Variants in IL17RB observed in about 807,000 individuals in gnomAD.
The protein encoded by IL17RB is interleukin 17 receptor B.
A neutral mutation model predicts 43.9 loss-of-function variants in IL17RB; 36 were observed. That is an observed-to-expected ratio of 0.82 (90% confidence interval 0.63 to 1.08). The LOEUF (loss-of-function observed/expected upper bound fraction) is 1.08. IL17RB is among the 50% of genes least tolerant of loss of function. The pLI is 0.00. For synonymous variants in IL17RB, 225 were observed against 225.4 expected (o/e 1.00, Z 0.02); for missense variants, 613 against 613.6 (o/e 1.00, Z 0.01).
At chr3:53,858,930 G>A in intron 9 of IL17RB, 112 bp downstream of exon 9, 1 of 772,560 alleles carries the variant, frequency 1.3e-6, no homozygotes. Context: ...AGGGGTCGCT[G>A]CCTGTGTACA....
rs750227696 is a variant in IL17RB, at chr3:53,856,874, G to A, written c.560G>A (p.Cys187Tyr). 6 of 1,614,164 alleles carry A rather than the reference G, an allele frequency of 3.7e-6. No individual in the cohort carries two copies. The highest frequency in any genetic ancestry group is 1.3e-5 in the African/African-American group (1 of 75,048). ...CTGTGGGATCCGAACATCACTGCTT[G>A]TAAGAAGAATGAGGAGACAGTAGAA... Reference protein sequence around the residue: ...GSLWDPNITACKKNEETVEVN... With the variant: ...GSLWDPNITAYKKNEETVEVN... Residue 187 changes from cysteine (C) to tyrosine (Y), a missense_variant, in exon 7 of 11, where the codon TGT (cysteine) becomes TAT (tyrosine). Cys to Tyr is a radical substitution (Grantham distance 194, BLOSUM62 -2). Coordinates refer to ENST00000288167, the MANE Select transcript of IL17RB (RefSeq NM_018725.4).
chr3:53,864,891 C>A lies in IL17RB; in HGVS notation c.1092C>A (p.Ile364=). The A allele has an allele frequency of 6.2e-7, 1 of 1,614,198 alleles. No individual in the cohort carries two copies. ...FLQNHCRSEV[I]LEKWQKKKIA... ...AAAACCATTGCAGAAGTGAGGTCAT[C>A]CTTGAAAAGTGGCAGAAAAAGAAAA... is the stretch of plus-strand genomic sequence containing the variant. Residue 364 remains isoleucine, a synonymous_variant, in exon 11 of 11, where the codon ATC becomes ATA. Coordinates refer to ENST00000288167, the MANE Select transcript of IL17RB (RefSeq NM_018725.4).
chr3:53,852,971 C>G lies in IL17RB; in HGVS notation c.455C>G (p.Ser152Cys), dbSNP rs1226678379. Residue 152 changes from serine to cysteine, a missense_variant, in exon 5 of 11, where the codon TCC (serine) becomes TGC (cysteine). Transcript: ENST00000288167. ...GCAAATATGAATGAAGATGGCCCTT[C>G]CATGTCTGTGAATTTCACCTCACCA... ...PNANMNEDGP[S>C]MSVNFTSPGC... The G allele has an allele frequency of 1.7e-5, 27 of 1,613,850 alleles. No individual in the cohort carries two copies. The Admixed American group carries it at 4.5e-4, about 27-fold the overall frequency.
At position 53,864,837 on chromosome 3, in the gene IL17RB, C is replaced by T; in HGVS notation, c.1038C>T (p.His346=). The part of the protein sequence containing the change: ...VVYPSEICFH[H]TICYFTEFLQ... ...ACCCATCTGAAATATGTTTCCATCA[C>T]ACAATTTGTTACTTCACTGAATTTC... The change falls in exon 11 of 11, where the codon CAC becomes CAT. Residue 346 remains histidine (H), a synonymous_variant. Transcript: ENST00000288167. The T allele has an allele frequency of 6.2e-7, 1 of 1,614,148 alleles. No homozygotes were observed.
At chr3:53,852,744 T>C (rs1198946164) in intron 4 of IL17RB, 127 bp from the exon 5 acceptor site, 3 of 765,956 alleles carry the variant, frequency 3.9e-6, no homozygotes, top group Non-Finnish European at 6.3e-6. Flanking sequence ...TAAGTAGACA[T>C]TGGTTGGAGA....
chr3:53,847,927 T>C (rs981132921), intron 1 of IL17RB, among the ~76,000 whole-genome samples: 6 of 152,232 alleles, frequency 3.9e-5, no homozygotes, highest in Admixed American at 2.6e-4. Flanking sequence ...TGTTTGGAAA[T>C]GTGGATGCTC....
chr3:53,859,211 T>C (rs1699465317), intron 9 of IL17RB: 2 of 159,048 alleles, frequency 1.3e-5, no homozygotes, highest in South Asian at 4.0e-4. Context: ...GGATGAGCTT[T>C]TGGTGTGGTC....
At chr3:53,847,253 T>C (rs1414811409) in intron 1 of IL17RB, among the ~76,000 whole-genome samples, 1 of 152,208 alleles carries the variant, frequency 6.6e-6, no homozygotes, top group Admixed American at 6.5e-5. Context: ...CGTAGTCACC[T>C]GCTGGTGGAC....
intron 10 of IL17RB, among the ~76,000 whole-genome samples, chr3:53,863,702 G>A (rs1030455242): frequency 1.1e-4 from 17 of 152,166 alleles, no homozygotes; most frequent in African/African-American, 4.1e-4. Flanking sequence ...CCTGCAGGTA[G>A]AAGACAGTAC....
At chr3:53,855,220 G>A (rs1434387561) in intron 5 of IL17RB, 74 bp from the exon 6 acceptor site, 3 of 909,052 alleles carry the variant, frequency 3.3e-6, no homozygotes, top group African/African-American at 3.3e-5. Flanking sequence ...GCGTATGTGT[G>A]TGTGCACTTG....
Position 53,855,359 on chromosome 3 carries a change from T to G in IL17RB, c.529+18T>G, listed in dbSNP as rs781110826. ...CAAGGCCGGTAAGTAAATACGGCAT[T>G]TGCTTTTATTATTTGAAGAAACTTG... On this transcript the variant is annotated intron_variant, in intron 6 of 10. Coordinates refer to ENST00000288167, the MANE Select transcript of IL17RB (RefSeq NM_018725.4). 8.4e-6 allele frequency: 13 copies of G among 1,554,754 alleles called. No individual in the cohort carries two copies. The Admixed American group carries it at 1.9e-4, about 22-fold the overall frequency.
At chr3:53,846,679 C>A in intron 1 of IL17RB, 31 bp downstream of exon 1, 3 of 1,562,076 alleles carry the variant, frequency 1.9e-6, no homozygotes, top group Non-Finnish European at 2.6e-6. Context: ...CTTCCCTCAT[C>A]TCCCGGCCCT....
In IL17RB at chr3:53,865,537, G is replaced by T; in HGVS notation, c.*229G>T. 4.1e-6 allele frequency: 2 copies of T among 492,548 alleles called. No individual in the cohort carries two copies. The highest frequency in any genetic ancestry group is 7.1e-6 in the Non-Finnish European group (2 of 280,060). The allele number at this position is 492,548 out of a possible 1,614,324, so 30.5% of individuals were successfully genotyped here. A position where few individuals can be genotyped will look rare whatever the true frequency, so the allele number is the denominator to read the frequency against. ...GTTTTATACATAGAAATCAATTACA[G>T]TTTTAATTGAAAACTATAACCATTT... On this transcript the variant is annotated 3_prime_UTR_variant, in exon 11 of 11. Coordinates refer to ENST00000288167, the MANE Select transcript of IL17RB (RefSeq NM_018725.4).
At position 53,847,187 on chromosome 3, in the gene IL17RB, A is replaced by G. The variant is rs114140506; in HGVS notation, c.60+539A>G. ...TGAAGAGAAAATAGCTCATCCCCCA[A>G]ATAACCTTTGAAATGATACCGCTGC... On this transcript the variant is annotated intron_variant, in intron 1 of 10. Coordinates refer to ENST00000288167, the MANE Select transcript of IL17RB (RefSeq NM_018725.4). 5.3e-3 allele frequency among the ~76,000 whole-genome samples: 810 copies of G among 152,226 alleles called. 2 individuals are homozygous for G. The highest frequency in any genetic ancestry group is 0.024 in the Middle Eastern group (7 of 294).
intron 5 of IL17RB, among the ~76,000 whole-genome samples, chr3:53,854,703 C>T (rs1699269159): frequency 6.6e-6 from 1 of 152,180 alleles, no homozygotes; most frequent in South Asian, 2.1e-4. Context: ...TACTGTTTTT[C>T]CCAACTCTCG....
At chr3:53,864,185 AG>A (rs1295420724) in intron 10 of IL17RB, among the ~76,000 whole-genome samples, 6 of 152,170 alleles carry the variant, frequency 3.9e-5, no homozygotes, top group Non-Finnish European at 8.8e-5. Context: ...CTTGGTTGAG[AG>A]GATTGTTTTA....
At chr3:53,859,463 G>A (rs1699477845) in intron 9 of IL17RB, 1 of 152,452 alleles carries the variant, frequency 6.6e-6, no homozygotes, top group Admixed American at 6.5e-5. Flanking sequence ...CTTGTGCGTG[G>A]GCGAAGCCTT....
In IL17RB at chr3:53,849,991, A is replaced by G. The variant is rs146907730; in HGVS notation, c.226+196A>G. ...ACATTAGAAAGCACTCAAATGCCCA[A>G]CAGTAGAAAGGAATCACCAGATAAA... On this transcript the variant is annotated intron_variant, in intron 3 of 10. Transcript: ENST00000288167. Among the ~76,000 whole-genome samples the G allele has an allele frequency of 2.9e-3, 436 of 152,370 alleles. 2 individuals carry two copies. Among genetic ancestry groups the G allele is most frequent in the African/African-American group, 9.9e-3 (412 of 41,594 alleles).
In IL17RB at chr3:53,857,688, C is replaced by T. The variant is rs149982619; in HGVS notation, c.745C>T (p.Gln249Ter). 12 of 1,613,432 alleles carry T rather than the reference C, an allele frequency of 7.4e-6. No homozygotes were observed. Among genetic ancestry groups the T allele is most frequent in the Middle Eastern group, 1.7e-4 (1 of 6,060 alleles). ...VTGDSEGATV[Q>*]LTPYFPTCGS... ...TGGGGATAGTGAAGGTGCTACGGTGCAGGTAAAGTTCAGTGAGCTGCTCTG... is the reference window on the plus strand; with the variant it reads ...TGGGGATAGTGAAGGTGCTACGGTGTAGGTAAAGTTCAGTGAGCTGCTCTG... Residue 249 changes from glutamine to a stop codon, truncating the protein, a stop_gained and splice_region_variant, in exon 8 of 11, where the codon CAG (glutamine) becomes TAG (stop). Transcript: ENST00000288167. LOFTEE classifies it high-confidence loss of function.
Sources: allele counts gnomAD v4.1 joint callset (sites outside exome capture counted in the v4.1 genomes callset), GRCh38; gene constraint gnomAD v4.1.1; transcripts MANE v1.5; gene names NCBI Gene and HGNC (gene_info 2026-07-23, HGNC 2026-07-21).